The following CMTM8 variants were observed in gnomAD, a reference collection of about 807,000 sequenced individuals.
CMTM8 encodes the protein CKLF-like MARVEL transmembrane domain-containing protein 8.
CMTM8 carries 12 observed loss-of-function variants against 18.6 expected under a neutral mutation model. The observed-to-expected ratio is 0.65, with a 90% CI of 0.41 to 1.05. The LOEUF (loss-of-function observed/expected upper bound fraction) is 1.05. Among genes scored for constraint, CMTM8 ranks in the 50% least tolerant of loss-of-function variants. CMTM8 has a pLI of 0.00. For missense variants in CMTM8, 217 were observed against 227.2 expected, an observed-to-expected ratio of 0.95 and a Z score of 0.29; for synonymous variants, 87 against 90.6, an observed-to-expected ratio of 0.96 and a Z score of 0.23.
intron 1 of CMTM8, among the ~76,000 whole-genome samples, chr3:32,269,723 T>G (rs898746019): frequency 6.6e-6 from 1 of 152,182 alleles, no homozygotes; most frequent in African/African-American, 2.4e-5. Context: ...AGATTCCTTC[T>G]TTGTTTCACT....
In CMTM8 at chr3:32,262,589, C is replaced by G. The variant is rs147898047; in HGVS notation, c.147+23470C>G. On this transcript the variant is annotated intron_variant, in intron 1 of 3. Coordinates refer to ENST00000307526, the MANE Select transcript of CMTM8 (RefSeq NM_178868.5). The stretch of plus-strand genomic sequence containing the variant: ...CGTGCCCTATTTCAGTTAAGACACA[C>G]ATTTGATTTCTAGCTATGCAACCTT... Among the ~76,000 whole-genome samples the G allele has an allele frequency of 7.4e-3, 1,127 of 152,344 alleles. 11 individuals carry two copies. Among genetic ancestry groups the G allele is most frequent in the Non-Finnish European group, 0.011 (763 of 68,034 alleles).
chr3:32,262,813 A>G (rs989598272), intron 1 of CMTM8, among the ~76,000 whole-genome samples: 4 of 152,134 alleles, frequency 2.6e-5, no homozygotes, highest in African/African-American at 9.7e-5. Flanking sequence ...TTGTACATTA[A>G]TTCCCCCTGG....
intron 1 of CMTM8, among the ~76,000 whole-genome samples, chr3:32,269,586 T>G (rs990090001): frequency 1.3e-5 from 2 of 150,648 alleles, no homozygotes; most frequent in Non-Finnish European, 2.9e-5. Flanking sequence ...GAACAAGAAC[T>G]CAGGTGGGAG....
intron 1 of CMTM8, among the ~76,000 whole-genome samples, chr3:32,340,662 A>T (rs1208688508): frequency 6.6e-6 from 1 of 152,264 alleles, no homozygotes; most frequent in Admixed American, 6.5e-5. Context: ...AGGAGGCCAC[A>T]TATTCTGTTG....
At chr3:32,265,255 C>G (rs2125539782) in intron 1 of CMTM8, among the ~76,000 whole-genome samples, 1 of 152,334 alleles carries the variant, frequency 6.6e-6, no homozygotes. Context: ...CAAACTGTCT[C>G]TCAGACCACA....
At chr3:32,275,666 T>TTCG (rs144431874) in intron 1 of CMTM8, among the ~76,000 whole-genome samples, 1 of 93,388 alleles carries the variant, frequency 1.1e-5, no homozygotes, top group East Asian at 3.5e-4. Context: ...TTTTTTTTTT[T>TTCG]GGGGACAGAG....
At chr3:32,300,943 A>G (rs1173997759) in intron 1 of CMTM8, among the ~76,000 whole-genome samples, 2 of 151,520 alleles carry the variant, frequency 1.3e-5, no homozygotes, top group African/African-American at 4.9e-5. Flanking sequence ...CTGGGCAACA[A>G]GAGTGAAACT....
rs148995541 is a variant in CMTM8 at position 32,288,307 on chromosome 3, A to G, written c.147+49188A>G. ...TATCATTTCTTTATTTTTTAGAGAC[A>G]GGGACTTACTCTGTCACTCAGGGTA... On this transcript the variant is annotated intron_variant, in intron 1 of 3. Transcript: ENST00000307526. 3.9e-3 allele frequency among the ~76,000 whole-genome samples: 600 copies of G among 152,280 alleles called. 1 individual carries two copies. The highest frequency in any genetic ancestry group is 7.0e-3 in the Non-Finnish European group (474 of 68,026).
At chr3:32,315,624 A>G (rs2125573246) in intron 1 of CMTM8, among the ~76,000 whole-genome samples, 1 of 152,350 alleles carries the variant, frequency 6.6e-6, no homozygotes, top group Middle Eastern at 3.4e-3. Flanking sequence ...GGTTAATCAC[A>G]GTTAATGTTG....
At chr3:32,281,534 A>G (rs1037898615) in intron 1 of CMTM8, among the ~76,000 whole-genome samples, 1 of 152,140 alleles carries the variant, frequency 6.6e-6, no homozygotes, top group African/African-American at 2.4e-5. Flanking sequence ...CCATCTTGAA[A>G]ACTGTAACAT....
At chr3:32,341,035 A>C (rs1696481397) in intron 1 of CMTM8, among the ~76,000 whole-genome samples, 1 of 152,246 alleles carries the variant, frequency 6.6e-6, no homozygotes. Context: ...TCTAACTTAG[A>C]TGTTTAAGCC....
intron 1 of CMTM8, among the ~76,000 whole-genome samples, chr3:32,344,018 A>C (rs937687904): frequency 6.6e-6 from 1 of 152,142 alleles, no homozygotes; most frequent in Admixed American, 6.6e-5. Flanking sequence ...GAGGTTTTTG[A>C]ATGAATGAAT....
intron 3 of CMTM8, among the ~76,000 whole-genome samples, chr3:32,369,183 G>A (rs1169624475): frequency 5.9e-5 from 9 of 151,876 alleles, no homozygotes; most frequent in South Asian, 4.2e-4. Context: ...GGGTGGTGGC[G>A]GGCACCTGTA....
intron 1 of CMTM8, among the ~76,000 whole-genome samples, chr3:32,274,189 G>A (rs557954062): frequency 5.3e-5 from 8 of 151,824 alleles, no homozygotes; most frequent in South Asian, 4.2e-4. Flanking sequence ...GCATGCCTGC[G>A]GTCCCAGCTA....
intron 1 of CMTM8, among the ~76,000 whole-genome samples, chr3:32,321,009 G>T (rs946651781): frequency 1.3e-5 from 2 of 152,018 alleles, no homozygotes; most frequent in Admixed American, 1.3e-4. Flanking sequence ...GGCAACAGTC[G>T]ATGACTTTCC....
At position 32,287,942 on chromosome 3, in the gene CMTM8, G is replaced by A. The variant is rs375307952; in HGVS notation, c.147+48823G>A. Among the ~76,000 whole-genome samples the A allele has an allele frequency of 2.0e-5, 3 of 152,216 alleles. No individual in the cohort carries two copies. The South Asian group carries it at 6.2e-4, about 32-fold the overall frequency. On this transcript the variant is annotated intron_variant, in intron 1 of 3. Transcript: ENST00000307526. Reference sequence around the variant, plus strand: ...GACAGTATTCCGTGCTTGAAGTTTGGCAAGAGAGAGATGATCCGTTTATGG... The same window carrying A: ...GACAGTATTCCGTGCTTGAAGTTTGACAAGAGAGAGATGATCCGTTTATGG...
intron 1 of CMTM8, among the ~76,000 whole-genome samples, chr3:32,250,547 T>C (rs1702099497): frequency 1.3e-5 from 2 of 152,196 alleles, no homozygotes; most frequent in Non-Finnish European, 2.9e-5. Context: ...ATTTAGGTCT[T>C]CTCTAATTTC....
At chr3:32,302,559 A>G (rs1228006080) in intron 1 of CMTM8, among the ~76,000 whole-genome samples, 1 of 152,222 alleles carries the variant, frequency 6.6e-6, no homozygotes, top group Non-Finnish European at 1.5e-5. Context: ...AAGCTGGAAC[A>G]GTGGTGAGAC....
intron 1 of CMTM8, among the ~76,000 whole-genome samples, chr3:32,271,603 A>G (rs1486409532): frequency 1.3e-5 from 2 of 152,062 alleles, no homozygotes; most frequent in Non-Finnish European, 2.9e-5. Context: ...AAGTTTTACC[A>G]TATTTTATTT....
Sources: allele counts gnomAD v4.1 joint callset (sites outside exome capture counted in the v4.1 genomes callset), GRCh38; gene constraint gnomAD v4.1.1; transcripts MANE v1.5; gene names NCBI Gene and HGNC (gene_info 2026-07-23, HGNC 2026-07-21).